MAP4K4: variants seen among roughly 807,000 people sequenced by gnomAD.
MAP4K4 encodes the protein HPK/GCK-like kinase HGK.
In MAP4K4, 38 loss-of-function variants were observed where a neutral mutation model predicts 189.6. That is an observed-to-expected ratio of 0.20 (90% CI 0.15 to 0.26). The LOEUF (loss-of-function observed/expected upper bound fraction) is 0.26, where lower values mean the gene tolerates loss of function less well. Among genes scored for constraint, MAP4K4 ranks in the 10% least tolerant of loss-of-function variants. The pLI is 1.00. For synonymous variants in MAP4K4, 610 were observed against 624.3 expected (o/e 0.98, Z 0.34); for missense variants, 1,054 against 1,726.9 (o/e 0.61, Z 6.91).
At chr2:101,706,612 G>T (rs902662056) in intron 2 of MAP4K4, among the ~76,000 whole-genome samples, 4 of 152,088 alleles carry the variant, frequency 2.6e-5, no homozygotes, top group Non-Finnish European at 4.4e-5. Flanking sequence ...AACACCACAC[G>T]TCAGATAATT....
At chr2:101,892,582 TG>T in exon 33 of MAP4K4, 1 of 284,592 alleles carries the variant, frequency 3.5e-6, no homozygotes, top group Non-Finnish European at 6.9e-6. Context: ...TTCTTGGGGG[TG>T]GGGGAGTTTC....
intron 3 of MAP4K4, among the ~76,000 whole-genome samples, chr2:101,792,579 C>A (rs1260159314): frequency 6.7e-6 from 1 of 148,254 alleles, no homozygotes; most frequent in East Asian, 2.0e-4. Context: ...CTTATACTTA[C>A]TGCCACCTTC....
chr2:101,761,198 C>T (rs1211535949), intron 2 of MAP4K4, among the ~76,000 whole-genome samples: 1 of 152,130 alleles, frequency 6.6e-6, no homozygotes, highest in Non-Finnish European at 1.5e-5. Flanking sequence ...GTTAAAGATA[C>T]TATCATTGTA....
At chr2:101,872,170 T>C (rs1477323282) in intron 24 of MAP4K4, among the ~76,000 whole-genome samples, 1 of 152,140 alleles carries the variant, frequency 6.6e-6, no homozygotes, top group Non-Finnish European at 1.5e-5. Context: ...TTTTTTTTTT[T>C]TCTTGTTTGG....
chr2:101,728,305 A>G (rs527330532), intron 2 of MAP4K4, among the ~76,000 whole-genome samples: 16 of 152,308 alleles, frequency 1.1e-4, no homozygotes, highest in Admixed American at 2.6e-4. Context: ...GTTCTGAGGT[A>G]AGACTGAGAA....
chr2:101,826,844 A>G (rs970417057), intron 5 of MAP4K4, among the ~76,000 whole-genome samples: 5 of 152,204 alleles, frequency 3.3e-5, no homozygotes, highest in Non-Finnish European at 5.9e-5. Context: ...ACGTGGATAC[A>G]TAGCTACCTA....
exon 17 of MAP4K4, chr2:101,863,845 C>T: frequency 7.3e-7 from 1 of 1,367,714 alleles, no homozygotes; most frequent in Non-Finnish European, 9.8e-7. Context: ...CCTGGCATCT[C>T]TCAAGAACAA....
chr2:101,764,965 G>A (rs2077983280), intron 2 of MAP4K4, among the ~76,000 whole-genome samples: 1 of 152,120 alleles, frequency 6.6e-6, no homozygotes, highest in Admixed American at 6.6e-5. Context: ...TAATTCCCTT[G>A]CAATACTGTA....
At chr2:101,893,647 G>A (rs1422094752) in exon 33 of MAP4K4, 1 of 166,244 alleles carries the variant, frequency 6.0e-6, no homozygotes, top group Non-Finnish European at 1.3e-5. Context: ...AGAGAACAAA[G>A]GATGTGGCAT....
intron 2 of MAP4K4, among the ~76,000 whole-genome samples, chr2:101,766,044 C>A (rs1033003398): frequency 3.9e-5 from 6 of 152,186 alleles, no homozygotes; most frequent in Non-Finnish European, 7.3e-5. Context: ...AGTGTGGACA[C>A]TTTCATTGGC....
At chr2:101,798,949 C>A (rs567098345) in intron 3 of MAP4K4, among the ~76,000 whole-genome samples, 1 of 152,188 alleles carries the variant, frequency 6.6e-6, no homozygotes, top group African/African-American at 2.4e-5. Context: ...AAATTTCATC[C>A]CTCTAGGAAA....
intron 3 of MAP4K4, among the ~76,000 whole-genome samples, chr2:101,800,420 T>C (rs917794588): frequency 6.6e-6 from 1 of 152,212 alleles, no homozygotes; most frequent in African/African-American, 2.4e-5. Context: ...TAAAGGAGAA[T>C]TTCCGAAAGT....
At chr2:101,697,943 C>CG in exon 1 of MAP4K4, 1 of 284,340 alleles carries the variant, frequency 3.5e-6, no homozygotes, top group South Asian at 8.7e-5. Flanking sequence ...CCGCCGCCGC[C>CG]CGCGGCCCCG....
chr2:101,879,296 T>C (rs567705280), intron 27 of MAP4K4, among the ~76,000 whole-genome samples: 1 of 149,756 alleles, frequency 6.7e-6, no homozygotes, highest in Non-Finnish European at 1.5e-5. Context: ...TCCTTCCTTA[T>C]TAACTTTCAG....
intron 3 of MAP4K4, among the ~76,000 whole-genome samples, chr2:101,794,592 C>A (rs1178446227): frequency 2.0e-5 from 3 of 152,180 alleles, no homozygotes; most frequent in Admixed American, 2.0e-4. Context: ...CATGACACTT[C>A]ACCTGAAAAT....
Position 101,834,399 on chromosome 2 carries a change from A to G in MAP4K4, c.640-10A>G, listed in dbSNP as rs1006720228. 2.3e-5 allele frequency: 36 copies of G among 1,599,988 alleles called. No homozygotes were observed. Among genetic ancestry groups the G allele is most frequent in the Non-Finnish European group, 3.1e-5 (36 of 1,171,432 alleles). ...TCCAGTATCTGTAACGTACTGTTTT[A>G]TTTTTGCAGAGTGATCTTTGGTCTT... is the stretch of plus-strand genomic sequence containing the variant. On this transcript the variant is annotated splice_polypyrimidine_tract_variant and intron_variant, in intron 7 of 32. Coordinates refer to ENST00000324219, the Ensembl canonical transcript of MAP4K4.
intron 2 of MAP4K4, among the ~76,000 whole-genome samples, chr2:101,714,547 A>G (rs2047401955): frequency 6.6e-6 from 1 of 152,202 alleles, no homozygotes; most frequent in Admixed American, 6.5e-5. Flanking sequence ...TTCTCCAAAT[A>G]ACTATAAGCA....
intron 2 of MAP4K4, among the ~76,000 whole-genome samples, chr2:101,785,734 CTCT>C: frequency 1.1e-4 from 1 of 9,462 alleles, no homozygotes; most frequent in African/African-American, 1.4e-3. Context: ...CTCTCTCTCT[CTCT>C]CTCTCTCTCT....
chr2:101,709,586 A>G (rs907756111), intron 2 of MAP4K4, among the ~76,000 whole-genome samples: 1 of 152,206 alleles, frequency 6.6e-6, no homozygotes, highest in East Asian at 1.9e-4. Context: ...GGTCACTGGT[A>G]GTAGGAACTA....
Sources: gnomAD v4.1 joint callset for allele counts (sites outside exome capture counted in the v4.1 genomes callset) on GRCh38, gnomAD v4.1.1 for gene constraint, MANE v1.5 for transcripts, NCBI Gene and HGNC (gene_info 2026-07-23, HGNC 2026-07-21) for gene names.